NAV3: variants seen among roughly 807,000 people sequenced by gnomAD.
The protein encoded by NAV3 is neuron navigator 3.
Under a neutral mutation model 244.7 loss-of-function variants are expected in NAV3, and 87 were observed. The observed-to-expected ratio is 0.36, with a 90% confidence interval of 0.30 to 0.42. NAV3 has a LOEUF of 0.42. Ranked by LOEUF, NAV3 falls within the 20% of genes least tolerant of loss-of-function variation. NAV3 has a pLI of 1.00. For missense variants in NAV3, 2,663 were observed against 2,893.3 expected (o/e 0.92, Z 1.83); for synonymous variants, 1,126 against 1,042.2 (o/e 1.08, Z -1.55).
At chr12:77,716,415 AT>A (rs2137273857) in intron 2 of NAV3, among the ~76,000 whole-genome samples, 2 of 152,050 alleles carry the variant, frequency 1.3e-5, no homozygotes, top group South Asian at 4.1e-4. Flanking sequence ...TTAAAAATAA[AT>A]GGTACAAGTG....
intron 8 of NAV3, 141 bp from the exon 9 acceptor site, chr12:78,021,606 C>G (rs923475588): frequency 9.3e-6 from 5 of 538,362 alleles, no homozygotes; most frequent in African/African-American, 7.7e-5. Context: ...TATACATAGA[C>G]AGCTCTGGAA....
intron 2 of NAV3, among the ~76,000 whole-genome samples, chr12:77,622,207 T>G (rs2098456539): frequency 6.6e-6 from 1 of 152,116 alleles, no homozygotes. Flanking sequence ...TCTCCCAGGC[T>G]GCAGTGCAGT....
intron 2 of NAV3, among the ~76,000 whole-genome samples, chr12:77,775,046 A>G (rs1199473298): frequency 6.6e-6 from 1 of 152,176 alleles, no homozygotes; most frequent in East Asian, 1.9e-4. Flanking sequence ...CATGGACGTT[A>G]CCATTTTATA....
chr12:77,779,972 G>T lies in NAV3; in HGVS notation c.73-160347G>T, dbSNP rs112488384. 4.4e-3 allele frequency among the ~76,000 whole-genome samples: 670 copies of T among 152,296 alleles called. 5 individuals are homozygous for T. The highest frequency in any genetic ancestry group is 0.015 in the African/African-American group (603 of 41,554). Reference sequence around the variant, plus strand: ...GTACATGTCCCATTACGACATGCCCGCTTGCTTCTCCTGTTGGATAGTTTC... The same window carrying T: ...GTACATGTCCCATTACGACATGCCCTCTTGCTTCTCCTGTTGGATAGTTTC... On this transcript the variant is annotated intron_variant, in intron 2 of 8. Coordinates refer to the NAV3 transcript ENST00000550042.
intron 15 of NAV3, among the ~76,000 whole-genome samples, chr12:78,120,406 T>C (rs1955620588): frequency 6.6e-6 from 1 of 152,190 alleles, no homozygotes; most frequent in Non-Finnish European, 1.5e-5. Flanking sequence ...GTAGATGAAG[T>C]TGTTTTCCTT....
At chr12:78,024,841 G>C (rs574469328) in intron 9 of NAV3, among the ~76,000 whole-genome samples, 1 of 152,158 alleles carries the variant, frequency 6.6e-6, no homozygotes, top group South Asian at 2.1e-4. Context: ...CAGGCATGGT[G>C]GCGGGCGCCT....
chr12:77,797,115 C>A (rs931283841), intron 2 of NAV3, among the ~76,000 whole-genome samples: 1 of 152,092 alleles, frequency 6.6e-6, no homozygotes, highest in Non-Finnish European at 1.5e-5. Context: ...AATGGGTGTA[C>A]AATGCCTACC....
At position 78,012,313 on chromosome 12, in the gene NAV3, A is replaced by G. The variant is rs114099229; in HGVS notation, c.1907+4868A>G. Reference sequence around the variant, plus strand: ...TCATCTAGTTTCCAATGAGTCTCCCAGCTTCCACTCTGGGCTCTTTGCAGT... The same window carrying G: ...TCATCTAGTTTCCAATGAGTCTCCCGGCTTCCACTCTGGGCTCTTTGCAGT... On this transcript the variant is annotated intron_variant, in intron 8 of 39. Transcript: ENST00000397909. Among the ~76,000 whole-genome samples the G allele has an allele frequency of 4.9e-3, 752 of 152,068 alleles. 10 individuals carry two copies. Among genetic ancestry groups the G allele is most frequent in the African/African-American group, 0.017 (711 of 41,462 alleles).
chr12:77,827,408 T>C (rs556496159), upstream of NAV3, among the ~76,000 whole-genome samples: 2 of 152,264 alleles, frequency 1.3e-5, 1 homozygote, highest in African/African-American at 4.8e-5. Context: ...AGTTGCCATT[T>C]TATGAGATTT....
intron 2 of NAV3, among the ~76,000 whole-genome samples, chr12:77,692,347 G>C (rs1017781750): frequency 2.6e-5 from 4 of 151,884 alleles, no homozygotes; most frequent in Admixed American, 2.6e-4. Flanking sequence ...AATAGACCAG[G>C]ACCCAAACAC....
intron 2 of NAV3, among the ~76,000 whole-genome samples, chr12:77,738,228 C>A (rs1206942754): frequency 1.3e-5 from 2 of 152,182 alleles, no homozygotes; most frequent in Non-Finnish European, 1.5e-5. Flanking sequence ...AACCTTCCAT[C>A]TTATCATCTC....
rs1047497701 is a variant in NAV3, at chr12:77,697,439, G to A, written c.72+125173G>A. ...CATTATGAGCTATAACCATAAGCAAGTTGCTTAATCTCTCTTTCTCAATTT... is the reference window on the plus strand; with the variant it reads ...CATTATGAGCTATAACCATAAGCAAATTGCTTAATCTCTCTTTCTCAATTT... On this transcript the variant is annotated intron_variant, in intron 2 of 8. Transcript: ENST00000550042. Among the ~76,000 whole-genome samples the A allele has an allele frequency of 2.6e-5, 4 of 152,178 alleles. No homozygotes were observed. The East Asian group carries it at 7.7e-4, about 29-fold the overall frequency.
intron 2 of NAV3, among the ~76,000 whole-genome samples, chr12:77,647,452 CT>C (rs202028867): frequency 2.9e-4 from 44 of 149,794 alleles, no homozygotes; most frequent in African/African-American, 9.3e-4. Context: ...TTGTAGCATG[CT>C]TTTTTTTTGT....
intron 2 of NAV3, among the ~76,000 whole-genome samples, chr12:77,702,656 T>C (rs1404975726): frequency 6.6e-6 from 1 of 152,034 alleles, no homozygotes; most frequent in Non-Finnish European, 1.5e-5. Context: ...GTTAATATTA[T>C]ATCACTTCAC....
At chr12:78,095,903 G>C (rs1954224980) in intron 12 of NAV3, among the ~76,000 whole-genome samples, 2 of 152,276 alleles carry the variant, frequency 1.3e-5, no homozygotes, top group Middle Eastern at 6.8e-3. Context: ...GCTAAGCTAT[G>C]CTTCATGGAA....
At chr12:78,087,390 G>T (rs747717981) in intron 12 of NAV3, among the ~76,000 whole-genome samples, 1 of 151,984 alleles carries the variant, frequency 6.6e-6, no homozygotes, top group East Asian at 1.9e-4. Context: ...GTCCTGTATA[G>T]CACAGAGGAG....
chr12:77,732,147 T>G (rs1658509106), intron 2 of NAV3, among the ~76,000 whole-genome samples: 1 of 152,052 alleles, frequency 6.6e-6, no homozygotes. Context: ...GGATTCCTAG[T>G]GCCTTTTCCT....
At chr12:78,199,630 C>A in intron 37 of NAV3, 99 bp downstream of exon 37, 1 of 806,442 alleles carries the variant, frequency 1.2e-6, no homozygotes, top group East Asian at 2.9e-5. Context: ...AAAGCTAATG[C>A]TTATTCAAGC....
intron 35 of NAV3, among the ~76,000 whole-genome samples, chr12:78,197,705 C>A (rs1267950634): frequency 6.6e-6 from 1 of 151,810 alleles, no homozygotes; most frequent in African/African-American, 2.4e-5. Flanking sequence ...TTTAAAGACT[C>A]CATATGCATT....
Sources: gnomAD v4.1 joint callset for allele counts (sites outside exome capture counted in the v4.1 genomes callset) on GRCh38, gnomAD v4.1.1 for gene constraint, MANE v1.5 for transcripts, NCBI Gene and HGNC (gene_info 2026-07-23, HGNC 2026-07-21) for gene names.